The following SHTN1 variants were observed in gnomAD, a reference collection of about 807,000 sequenced individuals.
SHTN1 encodes the protein shootin 1, also known as shootin-1.
Under a neutral mutation model 83.1 loss-of-function variants are expected in SHTN1, and 42 were observed. The ratio of observed to expected loss-of-function variants is 0.51; its 90% CI spans 0.39 to 0.65. SHTN1 has a LOEUF of 0.65. Among genes scored for constraint, SHTN1 ranks in the 30% least tolerant of loss-of-function variants. SHTN1 has a pLI of 0.00. For missense variants in SHTN1, 622 were observed against 737.8 expected, an observed-to-expected ratio of 0.84 and a Z score of 1.82; for synonymous variants, 224 against 247.7, an observed-to-expected ratio of 0.90 and a Z score of 0.90.
chr10:117,039,783 G>A (rs556020086), intron 2 of SHTN1, among the ~76,000 whole-genome samples: 1 of 151,530 alleles, frequency 6.6e-6, no homozygotes, highest in South Asian at 2.1e-4. Context: ...AACCCAGGAG[G>A]CAGAGCTTGC....
chr10:116,897,559 A>C (rs927781259), intron 16 of SHTN1, among the ~76,000 whole-genome samples: 11 of 152,234 alleles, frequency 7.2e-5, no homozygotes, highest in African/African-American at 2.4e-4. Flanking sequence ...CCAGGGGTCT[A>C]GTATCTTAGC....
intron 2 of SHTN1, among the ~76,000 whole-genome samples, chr10:116,971,850 G>A (rs17612336): frequency 0.032 from 4,837 of 152,252 alleles, 124 homozygotes; most frequent in Admixed American, 0.049. Flanking sequence ...TGTAGCTCTC[G>A]AAGCTCTACC....
chr10:117,113,397 G>A (rs1329828160), intron 1 of SHTN1, among the ~76,000 whole-genome samples: 1 of 152,144 alleles, frequency 6.6e-6, no homozygotes, highest in Admixed American at 6.5e-5. Context: ...AGCAATTTGG[G>A]CTTAGATCAG....
At chr10:117,077,351 A>C (rs554341243) in intron 1 of SHTN1, among the ~76,000 whole-genome samples, 10 of 152,238 alleles carry the variant, frequency 6.6e-5, no homozygotes, top group Non-Finnish European at 1.2e-4. Context: ...TGTGTGGAGA[A>C]TAACTCTACC....
intron 2 of SHTN1, among the ~76,000 whole-genome samples, chr10:117,031,798 A>G (rs1353274884): frequency 3.3e-5 from 5 of 152,180 alleles, no homozygotes; most frequent in African/African-American, 4.8e-5. Flanking sequence ...CACCAGACAA[A>G]ACCATCTTCA....
chr10:116,965,010 A>C (rs1453848878), intron 3 of SHTN1, among the ~76,000 whole-genome samples: 1 of 152,206 alleles, frequency 6.6e-6, no homozygotes, highest in African/African-American at 2.4e-5. Context: ...AAAGGTCTTT[A>C]GTTACCTTTC....
At chr10:117,031,225 A>C (rs1050325521) in intron 2 of SHTN1, among the ~76,000 whole-genome samples, 2 of 152,148 alleles carry the variant, frequency 1.3e-5, no homozygotes, top group African/African-American at 4.8e-5. Context: ...TGAAGAAAAA[A>C]AGTTTTACCT....
intron 1 of SHTN1, among the ~76,000 whole-genome samples, chr10:117,097,844 C>T (rs188430884): frequency 6.6e-6 from 1 of 152,128 alleles, no homozygotes; most frequent in Admixed American, 6.5e-5. Flanking sequence ...CACAAAATCT[C>T]TGTTTTACCT....
At chr10:117,101,740 C>A (rs1197171343) in intron 1 of SHTN1, among the ~76,000 whole-genome samples, 1 of 152,064 alleles carries the variant, frequency 6.6e-6, no homozygotes, top group Non-Finnish European at 1.5e-5. Context: ...ATAGCCTGTT[C>A]CCGAACGGTT....
chr10:117,036,940 G>A (rs1157564603), intron 2 of SHTN1, among the ~76,000 whole-genome samples: 2 of 152,120 alleles, frequency 1.3e-5, no homozygotes, highest in African/African-American at 4.8e-5. Context: ...ATAAATGGAC[G>A]ACCTTATACA....
intron 1 of SHTN1, among the ~76,000 whole-genome samples, chr10:117,085,039 A>T (rs1460245226): frequency 6.6e-6 from 1 of 152,036 alleles, no homozygotes; most frequent in East Asian, 2.0e-4. Context: ...AGCTGTTCCT[A>T]TTGGGCCATC....
chr10:117,030,007 G>A (rs1564935610), intron 2 of SHTN1, among the ~76,000 whole-genome samples: 1 of 151,158 alleles, frequency 6.6e-6, no homozygotes, highest in Non-Finnish European at 1.5e-5. Flanking sequence ...TCCTGTCTCA[G>A]CCTCCCAAGT....
chr10:117,026,198 T>C (rs1366739415), intron 2 of SHTN1, among the ~76,000 whole-genome samples: 1 of 152,174 alleles, frequency 6.6e-6, no homozygotes, highest in Non-Finnish European at 1.5e-5. Context: ...GCCTGAAAGT[T>C]TGAGTCCCAG....
chr10:117,094,253 C>G (rs1377410912), intron 1 of SHTN1, among the ~76,000 whole-genome samples: 1 of 152,184 alleles, frequency 6.6e-6, no homozygotes, highest in Non-Finnish European at 1.5e-5. Flanking sequence ...TGTTGCCACA[C>G]AGTACAAACT....
chr10:117,032,710 C>T (rs899362010), intron 2 of SHTN1, among the ~76,000 whole-genome samples: 2 of 152,088 alleles, frequency 1.3e-5, no homozygotes, highest in African/African-American at 2.4e-5. Context: ...ATTTACAGAA[C>T]ATTTCATCAG....
At chr10:116,886,680 C>A in intron 16 of SHTN1, 114 bp from the exon 17 acceptor site, 1 of 1,403,054 alleles carries the variant, frequency 7.1e-7, no homozygotes, top group African/African-American at 1.4e-5. Flanking sequence ...GTCTAATCAA[C>A]ATGCATATAG....
intron 2 of SHTN1, among the ~76,000 whole-genome samples, chr10:117,030,861 A>G (rs934929065): frequency 6.6e-6 from 1 of 152,154 alleles, no homozygotes; most frequent in Admixed American, 6.5e-5. Context: ...TACAGAATCT[A>G]GAAAATAGCC....
chr10:117,044,087 G>A (rs551563023), intron 2 of SHTN1, among the ~76,000 whole-genome samples: 6 of 152,042 alleles, frequency 3.9e-5, no homozygotes, highest in South Asian at 2.1e-4. Flanking sequence ...TTTAAGTTAC[G>A]AAACTAATAT....
chr10:117,009,985 T>G (rs1852079714), upstream of SHTN1, among the ~76,000 whole-genome samples: 1 of 151,866 alleles, frequency 6.6e-6, no homozygotes, highest in Admixed American at 6.6e-5. Context: ...ATTACTACAT[T>G]ATAAAAGAAA....
Sources: allele counts gnomAD v4.1 joint callset (sites outside exome capture counted in the v4.1 genomes callset), GRCh38; gene constraint gnomAD v4.1.1; transcripts MANE v1.5; gene names NCBI Gene and HGNC (gene_info 2026-07-23, HGNC 2026-07-21).